The following SLC4A4 variants were observed in gnomAD, a reference collection of about 807,000 sequenced individuals.
The protein encoded by SLC4A4 is electrogenic sodium bicarbonate cotransporter 1.
Under a neutral mutation model 111.5 loss-of-function variants are expected in SLC4A4, and 27 were observed. That is an observed-to-expected ratio of 0.24 (90% CI 0.18 to 0.33). The LOEUF (loss-of-function observed/expected upper bound fraction) is 0.33. Ranked by LOEUF, SLC4A4 falls within the 10% of genes least tolerant of loss-of-function variation. The probability of loss-of-function intolerance (pLI) is 1.00; values close to 1 mark genes in which losing one functional copy is unlikely to be tolerated. For missense variants in SLC4A4, 909 were observed against 1,315.5 expected, an observed-to-expected ratio of 0.69 and a Z score of 4.78; for synonymous variants, 443 against 463.4, an observed-to-expected ratio of 0.96 and a Z score of 0.57.
At chr4:71,276,616 T>G (rs746905069) in intron 3 of SLC4A4, among the ~76,000 whole-genome samples, 18 of 152,056 alleles carry the variant, frequency 1.2e-4, no homozygotes, top group Non-Finnish European at 2.1e-4. Context: ...CATAGTGCCC[T>G]TAGTTCCATC....
chr4:71,122,000 G>C (rs1344937715), intron 2 of SLC4A4, among the ~76,000 whole-genome samples: 2 of 152,062 alleles, frequency 1.3e-5, no homozygotes, highest in Non-Finnish European at 2.9e-5. Context: ...AACACTCACT[G>C]TGAAGGTCTG....
At chr4:71,161,323 C>G (rs540057516) in intron 2 of SLC4A4, among the ~76,000 whole-genome samples, 1 of 152,182 alleles carries the variant, frequency 6.6e-6, no homozygotes, top group Admixed American at 6.5e-5. Context: ...TACACGAACA[C>G]TTATTGCCCT....
intron 2 of SLC4A4, among the ~76,000 whole-genome samples, chr4:71,123,597 G>GA (rs1191406338): frequency 6.6e-6 from 1 of 151,894 alleles, no homozygotes; most frequent in Non-Finnish European, 1.5e-5. Context: ...ATACTAATTT[G>GA]AAAAAAATTA....
chr4:71,112,506 T>C (rs1743115198), intron 2 of SLC4A4, among the ~76,000 whole-genome samples: 1 of 152,168 alleles, frequency 6.6e-6, no homozygotes, highest in South Asian at 2.1e-4. Context: ...AAGCTATGCA[T>C]AAAGGAAACA....
intron 2 of SLC4A4, among the ~76,000 whole-genome samples, chr4:71,111,033 C>T (rs1234605742): frequency 3.3e-5 from 5 of 152,184 alleles, no homozygotes; most frequent in African/African-American, 1.2e-4. Flanking sequence ...GTTCCAGCCA[C>T]TTGTTCAAAA....
intron 6 of SLC4A4, among the ~76,000 whole-genome samples, chr4:71,367,704 G>A (rs780053598): frequency 2.0e-5 from 3 of 152,196 alleles, no homozygotes; most frequent in Non-Finnish European, 4.4e-5. Flanking sequence ...TAAAAATTCA[G>A]ATTGCAAAGA....
chr4:71,386,400 C>T (rs1030486253), intron 6 of SLC4A4, among the ~76,000 whole-genome samples: 3 of 151,928 alleles, frequency 2.0e-5, no homozygotes, highest in Non-Finnish European at 4.4e-5. Context: ...ATTATATTCT[C>T]TTTGATAATG....
At position 71,545,760 on chromosome 4, in the gene SLC4A4, C is replaced by T. The variant is rs144324270; in HGVS notation, c.2443-590C>T. ...CTGAGAAATGGCCTACATACCTTCT[C>T]AATCTTGCTTTCGGATCCTTACATA... On this transcript the variant is annotated intron_variant, in intron 18 of 25. Transcript: ENST00000264485. Among the ~76,000 whole-genome samples the T allele has an allele frequency of 3.1e-3, 478 of 152,174 alleles. 4 individuals carry two copies. The highest frequency in any genetic ancestry group is 0.011 in the African/African-American group (443 of 41,566).
chr4:71,334,705 C>A (rs1157965096), intron 3 of SLC4A4, among the ~76,000 whole-genome samples: 1 of 152,180 alleles, frequency 6.6e-6, no homozygotes, highest in Non-Finnish European at 1.5e-5. Context: ...AGGGGTTAGG[C>A]ATGGTACCTA....
At chr4:71,383,379 T>C (rs1373597149) in intron 6 of SLC4A4, among the ~76,000 whole-genome samples, 1 of 152,174 alleles carries the variant, frequency 6.6e-6, no homozygotes, top group African/African-American at 2.4e-5. Context: ...CTTGTATTGG[T>C]TTGCCTAAAG....
chr4:71,079,007 T>A (rs1741921584), intron 1 of SLC4A4, among the ~76,000 whole-genome samples: 1 of 152,080 alleles, frequency 6.6e-6, no homozygotes, highest in African/African-American at 2.4e-5. Context: ...TTAGTAGAGA[T>A]GGGGTTTCAC....
At position 71,533,023 on chromosome 4, in the gene SLC4A4, C is replaced by G. The variant is rs1414936819; in HGVS notation, c.2280+848C>G. Among the ~76,000 whole-genome samples, 4 of 152,162 alleles carry G rather than the reference C, an allele frequency of 2.6e-5. No individual in the cohort carries two copies. The East Asian group carries it at 7.7e-4, about 29-fold the overall frequency. On this transcript the variant is annotated intron_variant, in intron 17 of 25. Coordinates refer to ENST00000264485, the MANE Select transcript of SLC4A4 (RefSeq NM_001098484.3). ...TATATTCCTAGCTAATTTTTCACTA[C>G]AAGTCTTTTATCTATTTTCTAGAAT...
chr4:71,068,155 C>T (rs1741576285), intron 1 of SLC4A4, among the ~76,000 whole-genome samples: 1 of 148,562 alleles, frequency 6.7e-6, no homozygotes, highest in South Asian at 2.1e-4. Flanking sequence ...ACCTCTGCCT[C>T]TCAGGTTCAA....
rs1469105247 is a variant in SLC4A4 at position 71,113,914 on chromosome 4, G to T, written c.-2+21122G>T. ...CTTTCTATAAACAAAGTAATTAGTA[G>T]TTATACCTTATTAGCAGACTAAATC... On this transcript the variant is annotated intron_variant, in intron 2 of 26. Coordinates refer to the SLC4A4 transcript ENST00000649996. Among the ~76,000 whole-genome samples the T allele has an allele frequency of 2.6e-5, 4 of 152,246 alleles. No individual in the cohort carries two copies. The East Asian group carries it at 7.7e-4, about 29-fold the overall frequency.
chr4:71,469,571 T>C (rs920584789), intron 13 of SLC4A4, among the ~76,000 whole-genome samples: 2 of 151,992 alleles, frequency 1.3e-5, no homozygotes, highest in African/African-American at 2.4e-5. Flanking sequence ...TAATTTCTTC[T>C]TTGATCTCTA....
intron 1 of SLC4A4, among the ~76,000 whole-genome samples, chr4:71,088,837 A>AT (rs539558465): frequency 6.6e-6 from 1 of 151,710 alleles, no homozygotes; most frequent in African/African-American, 2.4e-5. Flanking sequence ...TGCCCTTAAC[A>AT]TTTTTTCCTT....
chr4:71,324,289 A>G (rs1217304723), intron 3 of SLC4A4, among the ~76,000 whole-genome samples: 1 of 152,016 alleles, frequency 6.6e-6, no homozygotes, highest in East Asian at 1.9e-4. Context: ...TACTTAGTTT[A>G]GGTCACCATT....
chr4:71,175,756 G>A (rs1056303263), intron 2 of SLC4A4, among the ~76,000 whole-genome samples: 1 of 152,158 alleles, frequency 6.6e-6, no homozygotes, highest in African/African-American at 2.4e-5. Flanking sequence ...CTGGGGGCAG[G>A]GCATAGCCAA....
intron 14 of SLC4A4, among the ~76,000 whole-genome samples, chr4:71,479,104 A>G (rs1483540497): frequency 6.6e-6 from 1 of 151,748 alleles, no homozygotes; most frequent in African/African-American, 2.4e-5. Context: ...GATAGACACT[A>G]TATTGTTAAC....
Sources: gnomAD v4.1 joint callset for allele counts (sites outside exome capture counted in the v4.1 genomes callset) on GRCh38, gnomAD v4.1.1 for gene constraint, MANE v1.5 for transcripts, NCBI Gene and HGNC (gene_info 2026-07-23, HGNC 2026-07-21) for gene names.